Variants in RYK observed in about 807,000 individuals in gnomAD.
RYK encodes inactive tyrosine-protein kinase RYK.
A neutral mutation model predicts 70.2 loss-of-function variants in RYK; 21 were observed. The observed-to-expected ratio is 0.30, with a 90% CI of 0.21 to 0.43. RYK has a LOEUF of 0.43. RYK is among the 20% of genes least tolerant of loss of function. The pLI is 1.00. For missense variants in RYK, 604 were observed against 753.3 expected, an observed-to-expected ratio of 0.80 and a Z score of 2.32; for synonymous variants, 267 against 278.0, an observed-to-expected ratio of 0.96 and a Z score of 0.39.
chr3:134,178,694 G>A (rs2013193724), intron 10 of RYK: 1 of 152,166 alleles, frequency 6.6e-6, no homozygotes, highest in Non-Finnish European at 1.5e-5. Context: ...AAAGGTTGCT[G>A]TGATGTGCAA....
chr3:134,163,488 C>G (rs889394271), intron 13 of RYK, among the ~76,000 whole-genome samples: 1 of 152,160 alleles, frequency 6.6e-6, no homozygotes, highest in Non-Finnish European at 1.5e-5. Context: ...TTCTATTCAT[C>G]TTATTCCTCT....
At chr3:134,213,134 A>G (rs1402796140) in intron 2 of RYK, among the ~76,000 whole-genome samples, 1 of 152,154 alleles carries the variant, frequency 6.6e-6, no homozygotes, top group Non-Finnish European at 1.5e-5. Context: ...GCAGGGAATG[A>G]GCAAGCTCTC....
chr3:134,193,802 T>C (rs1447762892), intron 7 of RYK, among the ~76,000 whole-genome samples: 1 of 152,228 alleles, frequency 6.6e-6, no homozygotes, highest in Non-Finnish European at 1.5e-5. Context: ...TCGGCTACCC[T>C]GGAAAATGTT....
At chr3:134,166,944 T>A (rs1239670418) in intron 13 of RYK, among the ~76,000 whole-genome samples, 1 of 152,222 alleles carries the variant, frequency 6.6e-6, no homozygotes, top group East Asian at 1.9e-4. Flanking sequence ...TGTTAAATTT[T>A]AAATTTTTAT....
intron 4 of RYK, among the ~76,000 whole-genome samples, chr3:134,207,892 A>G (rs9289461): frequency 0.74 from 112,032 of 152,114 alleles, 41,829 homozygotes; most frequent in East Asian, 0.99. Flanking sequence ...ATATGATAAA[A>G]GAAACTTTTC....
chr3:134,186,769 C>T (rs768682202), intron 9 of RYK, among the ~76,000 whole-genome samples: 2 of 152,106 alleles, frequency 1.3e-5, no homozygotes, highest in Non-Finnish European at 2.9e-5. Context: ...CCTAAATCAA[C>T]CCAATTTTGT....
intron 1 of RYK, among the ~76,000 whole-genome samples, chr3:134,230,432 G>A (rs2015023868): frequency 1.3e-5 from 2 of 152,132 alleles, no homozygotes; most frequent in Non-Finnish European, 1.5e-5. Flanking sequence ...CAACACAAAT[G>A]TCCATCAACA....
At chr3:134,238,138 G>A (rs1176837553) in intron 1 of RYK, among the ~76,000 whole-genome samples, 5 of 152,172 alleles carry the variant, frequency 3.3e-5, no homozygotes, top group African/African-American at 1.2e-4. Context: ...GAGACCTAAT[G>A]TTTAACTACA....
chr3:134,209,611 C>A (rs1390743013), intron 4 of RYK, 84 bp downstream of exon 4: 5 of 1,057,536 alleles, frequency 4.7e-6, no homozygotes, highest in African/African-American at 1.7e-5. Context: ...GTTGGACATA[C>A]TTAAATCTGT....
intron 1 of RYK, among the ~76,000 whole-genome samples, chr3:134,231,846 C>CAA (rs1195431632): frequency 6.6e-6 from 1 of 152,122 alleles, no homozygotes; most frequent in African/African-American, 2.4e-5. Context: ...CTCAGTATCT[C>CAA]AGTTACCTCA....
chr3:134,158,378 T>C, intron 14 of RYK, 114 bp from the exon 15 acceptor site: 1 of 455,468 alleles, frequency 2.2e-6, no homozygotes, highest in Admixed American at 4.1e-5. Context: ...GAGAGGATGA[T>C]ATATTAAAAA....
At chr3:134,250,005 G>C (rs768668439) in intron 1 of RYK, among the ~76,000 whole-genome samples, 61 of 143,846 alleles carry the variant, frequency 4.2e-4, no homozygotes, top group Non-Finnish European at 5.5e-4. Context: ...CAAAGGGTTT[G>C]CAAGTTCAGT....
At chr3:134,227,152 A>T (rs1472202535) in intron 1 of RYK, among the ~76,000 whole-genome samples, 1 of 152,218 alleles carries the variant, frequency 6.6e-6, no homozygotes, top group East Asian at 1.9e-4. Context: ...ACAACTAGAA[A>T]ATAAAACTTA....
intron 1 of RYK, among the ~76,000 whole-genome samples, chr3:134,238,621 T>C (rs764916356): frequency 6.6e-6 from 1 of 152,170 alleles, no homozygotes; most frequent in Non-Finnish European, 1.5e-5. Flanking sequence ...GCACTAACTT[T>C]TCCTAACTGT....
At chr3:134,225,021 C>T (rs565529945) in intron 1 of RYK, among the ~76,000 whole-genome samples, 9 of 152,246 alleles carry the variant, frequency 5.9e-5, no homozygotes, top group South Asian at 4.2e-4. Flanking sequence ...TCTCTTGCCC[C>T]GGCACCTGGG....
chr3:134,191,689 G>A (rs2107668498), intron 8 of RYK, among the ~76,000 whole-genome samples, 160 bp downstream of exon 8: 1 of 152,172 alleles, frequency 6.6e-6, no homozygotes, highest in East Asian at 1.9e-4. Flanking sequence ...TCAAGTATAG[G>A]AGCAAATGAA....
At chr3:134,193,385 G>A (rs192516608) in intron 7 of RYK, among the ~76,000 whole-genome samples, 107 of 152,144 alleles carry the variant, frequency 7.0e-4, no homozygotes, top group African/African-American at 1.9e-3. Context: ...GGGTTTCACC[G>A]TGTTAGCCAG....
At position 134,213,763 on chromosome 3, in the gene RYK, C is replaced by T. The variant is rs181514118; in HGVS notation, c.355-2156G>A. ...GGATCACTAGGTCCTTCCCAGACATCCCTTCCTCATGCCCTCATGCAAATC... is the reference window on the plus strand; with the variant it reads ...GGATCACTAGGTCCTTCCCAGACATTCCTTCCTCATGCCCTCATGCAAATC... On this transcript the variant is annotated intron_variant, in intron 2 of 14. Coordinates refer to ENST00000623711, the MANE Select transcript of RYK (RefSeq NM_002958.4). Among the ~76,000 whole-genome samples the T allele has an allele frequency of 2.6e-3, 396 of 152,254 alleles. 1 individual carries two copies. Among genetic ancestry groups the T allele is most frequent in the Middle Eastern group, 0.014 (4 of 294 alleles).
intron 1 of RYK, 112 bp downstream of exon 1, chr3:134,250,311 G>A (rs1478148494): frequency 6.4e-6 from 3 of 469,896 alleles, no homozygotes; most frequent in Non-Finnish European, 1.0e-5. Context: ...GGGCGCGGGG[G>A]GCGGGGAGGG....
Sources: allele counts gnomAD v4.1 joint callset (sites outside exome capture counted in the v4.1 genomes callset), GRCh38; gene constraint gnomAD v4.1.1; transcripts MANE v1.5; gene names NCBI Gene and HGNC (gene_info 2026-07-23, HGNC 2026-07-21).